The following PIGK variants were observed in gnomAD, a reference collection of about 807,000 sequenced individuals.
PIGK encodes the protein GPI-anchor transamidase.
Under a neutral mutation model 50.6 loss-of-function variants are expected in PIGK, and 42 were observed. The ratio of observed to expected loss-of-function variants is 0.83; its 90% CI spans 0.65 to 1.07. The LOEUF (loss-of-function observed/expected upper bound fraction) is 1.07, where lower values mean the gene tolerates loss of function less well. Among genes scored for constraint, PIGK ranks in the 50% least tolerant of loss-of-function variants. The pLI is 0.00. For synonymous variants in PIGK, 151 were observed against 156.0 expected (o/e 0.97, Z 0.24); for missense variants, 448 against 488.7 (o/e 0.92, Z 0.78).
rs187025424 is a variant in PIGK at position 77,116,130 on chromosome 1, A to T, written c.1071+6145T>A. 1.2e-3 allele frequency among the ~76,000 whole-genome samples: 177 copies of T among 152,196 alleles called. 1 individual carries two copies. The highest frequency in any genetic ancestry group is 4.1e-3 in the African/African-American group (171 of 41,532). On this transcript the variant is annotated intron_variant, in intron 10 of 10. Coordinates refer to ENST00000370812, the MANE Select transcript of PIGK (RefSeq NM_005482.3). ...TGCCTTAGTGGAGGGACCTAAATTC[A>T]TGAAGATAAAATTGACTCATAATGG...
chr1:77,108,823 C>T (rs989344633), intron 10 of PIGK, among the ~76,000 whole-genome samples: 39 of 152,230 alleles, frequency 2.6e-4, no homozygotes, highest in Middle Eastern at 6.8e-3. Context: ...CGTCTCTTCT[C>T]GCTTCATTTT....
intron 3 of PIGK, among the ~76,000 whole-genome samples, chr1:77,169,715 A>G (rs989456732): frequency 1.3e-5 from 2 of 152,190 alleles, no homozygotes; most frequent in Admixed American, 1.3e-4. Flanking sequence ...TTCAAGTTAC[A>G]ATGTTTTTCT....
chr1:77,142,215 T>C (rs1654664427), intron 9 of PIGK, among the ~76,000 whole-genome samples: 1 of 152,186 alleles, frequency 6.6e-6, no homozygotes, highest in Non-Finnish European at 1.5e-5. Flanking sequence ...GAATGGGCTA[T>C]AGATGGCATG....
At chr1:77,203,195 C>T (rs1199217466) in intron 3 of PIGK, among the ~76,000 whole-genome samples, 1 of 152,140 alleles carries the variant, frequency 6.6e-6, no homozygotes, top group Non-Finnish European at 1.5e-5. Context: ...ATTTGGGAAA[C>T]TTTCAGGAGT....
At chr1:77,210,644 CA>C (rs1656397585) in intron 1 of PIGK, among the ~76,000 whole-genome samples, 155 bp from the exon 2 acceptor site, 2 of 152,096 alleles carry the variant, frequency 1.3e-5, no homozygotes, top group East Asian at 1.9e-4. Flanking sequence ...ATGGACTACA[CA>C]AAGAATCAAA....
intron 4 of PIGK, among the ~76,000 whole-genome samples, chr1:77,167,659 C>A (rs546579807): frequency 1.3e-5 from 2 of 152,290 alleles, no homozygotes; most frequent in African/African-American, 4.8e-5. Context: ...GCAGGAGGAT[C>A]ACTTGAGCCC....
Position 77,101,590 on chromosome 1 carries a change from T to A in PIGK, c.1072-9100A>T, listed in dbSNP as rs191624943. Among the ~76,000 whole-genome samples the A allele has an allele frequency of 4.4e-3, 670 of 152,356 alleles. 5 individuals are homozygous for A. The highest frequency in any genetic ancestry group is 0.016 in the African/African-American group (648 of 41,580). ...AATATAAAATACTCAAATATAAACATCATCTATTAAATGCCAATTCATTAA... is the reference window on the plus strand; with the variant it reads ...AATATAAAATACTCAAATATAAACAACATCTATTAAATGCCAATTCATTAA... On this transcript the variant is annotated intron_variant, in intron 10 of 10. Coordinates refer to ENST00000370812, the MANE Select transcript of PIGK (RefSeq NM_005482.3).
intron 9 of PIGK, among the ~76,000 whole-genome samples, chr1:77,122,857 TCTTTA>T (rs2100528732): frequency 6.6e-6 from 1 of 152,326 alleles, no homozygotes; most frequent in South Asian, 2.1e-4. Context: ...ACAATTCTCT[TCTTTA>T]TTTATTCTTC....
chr1:77,147,955 TC>T lies in PIGK; in HGVS notation c.986+6493del, dbSNP rs1459333422. On this transcript the variant is annotated intron_variant, in intron 9 of 10. Coordinates refer to ENST00000370812, the MANE Select transcript of PIGK (RefSeq NM_005482.3). ...CCCAATCAGTTTTATGTACTAAAGT[TC>T]TCCATCATATCTGATTTTACTCTAG... Among the ~76,000 whole-genome samples, 4 of 152,172 alleles carry T rather than the reference TC, an allele frequency of 2.6e-5. No individual in the cohort carries two copies. The East Asian group carries it at 7.7e-4, about 29-fold the overall frequency.
intron 9 of PIGK, among the ~76,000 whole-genome samples, chr1:77,130,781 A>G (rs1654356106): frequency 6.6e-6 from 1 of 152,174 alleles, no homozygotes; most frequent in Admixed American, 6.5e-5. Context: ...AGAATGTAGT[A>G]ATAGTTAAGA....
intron 10 of PIGK, among the ~76,000 whole-genome samples, chr1:77,102,750 C>A (rs1232720211): frequency 6.6e-6 from 1 of 152,192 alleles, no homozygotes; most frequent in Non-Finnish European, 1.5e-5. Flanking sequence ...ACAGCAGAAG[C>A]TTTTGATGCA....
At chr1:77,149,780 G>T (rs751188533) in intron 9 of PIGK, among the ~76,000 whole-genome samples, 16 of 152,098 alleles carry the variant, frequency 1.1e-4, no homozygotes, top group Non-Finnish European at 1.8e-4. Context: ...TCAGTCTGCT[G>T]CTGCAGATTA....
intron 9 of PIGK, among the ~76,000 whole-genome samples, chr1:77,125,649 T>C (rs1009944343): frequency 3.9e-5 from 6 of 152,174 alleles, no homozygotes; most frequent in Non-Finnish European, 5.9e-5. Flanking sequence ...GCTTTTATTT[T>C]CCCTTTTGTT....
At chr1:77,113,513 A>G (rs1557795637) in intron 10 of PIGK, among the ~76,000 whole-genome samples, 1 of 152,040 alleles carries the variant, frequency 6.6e-6, no homozygotes, top group South Asian at 2.1e-4. Context: ...GCTCTTTGAC[A>G]CTCATTTTTC....
intron 2 of PIGK, among the ~76,000 whole-genome samples, chr1:77,208,525 G>C (rs1384906429): frequency 1.3e-5 from 2 of 152,110 alleles, no homozygotes; most frequent in East Asian, 3.9e-4. Flanking sequence ...ATTGCCTCTT[G>C]AACATGGAGG....
chr1:77,105,762 TGGG>T (rs2100514616), intron 10 of PIGK, among the ~76,000 whole-genome samples: 2 of 152,330 alleles, frequency 1.3e-5, no homozygotes, highest in Admixed American at 1.3e-4. Context: ...CATTATCTAT[TGGG>T]GCTTTCACAC....
Position 77,090,653 on chromosome 1 carries a change from C to T in PIGK, c.*1721G>A, listed in dbSNP as rs759421315. ...ATTCCTTTACCACCCTAAATAGCTC[C>T]GCCTCACCGTGGTGTCCACGACCTT... On this transcript the variant is annotated 3_prime_UTR_variant, in exon 11 of 11. Transcript: ENST00000370812. 5.6e-4 allele frequency: 85 copies of T among 152,202 alleles called. No homozygotes were observed. Among genetic ancestry groups the T allele is most frequent in the Non-Finnish European group, 8.8e-4 (60 of 68,034 alleles). The allele number at this position is 152,202 out of a possible 1,614,324, so 9.4% of individuals were successfully genotyped here. A position where few individuals can be genotyped will look rare whatever the true frequency, so the allele number is the denominator to read the frequency against.
chr1:77,149,781 C>T lies in PIGK; in HGVS notation c.986+4668G>A, dbSNP rs560342050. ...ATTTATAGAACATTTCAGTCTGCTGCTGCAGATTATACATTTTCCTCATCA... is the reference window on the plus strand; with the variant it reads ...ATTTATAGAACATTTCAGTCTGCTGTTGCAGATTATACATTTTCCTCATCA... On this transcript the variant is annotated intron_variant, in intron 9 of 10. Transcript: ENST00000370812. Among the ~76,000 whole-genome samples, 5 of 152,244 alleles carry T rather than the reference C, an allele frequency of 3.3e-5. No homozygotes were observed. The East Asian group carries it at 7.7e-4, about 24-fold the overall frequency.
chr1:77,194,955 T>G (rs1162650132), intron 3 of PIGK: 5 of 594,770 alleles, frequency 8.4e-6, no homozygotes, highest in African/African-American at 5.6e-5. Context: ...TGACTACTCC[T>G]GCTTAAGTGT....
Sources: allele counts gnomAD v4.1 joint callset (sites outside exome capture counted in the v4.1 genomes callset), GRCh38; gene constraint gnomAD v4.1.1; transcripts MANE v1.5; gene names NCBI Gene and HGNC (gene_info 2026-07-23, HGNC 2026-07-21).